ATP8B3: variants seen among roughly 807,000 people sequenced by gnomAD.
The protein encoded by ATP8B3 is ATPase phospholipid transporting 8B3, also known as phospholipid-transporting ATPase IK.
Under a neutral mutation model 140.9 loss-of-function variants are expected in ATP8B3, and 141 were observed. That is an observed-to-expected ratio of 1.00 (90% CI 0.87 to 1.15). The LOEUF (loss-of-function observed/expected upper bound fraction) is 1.15, where lower values mean the gene tolerates loss of function less well. Among genes scored for constraint, ATP8B3 ranks in the 50% most tolerant of loss-of-function variants. The probability of loss-of-function intolerance (pLI) is 0.00; values close to 1 mark genes in which losing one functional copy is unlikely to be tolerated. For synonymous variants in ATP8B3, 765 were observed against 714.6 expected, an observed-to-expected ratio of 1.07 and a Z score of -1.13; for missense variants, 1,874 against 1,740.6, an observed-to-expected ratio of 1.08 and a Z score of -1.36.
At chr19:1,802,360 T>C in intron 11 of ATP8B3, 127 bp downstream of exon 11, 1 of 660,558 alleles carries the variant, frequency 1.5e-6, no homozygotes, top group Non-Finnish European at 2.2e-6. Context: ...CATCTATTTG[T>C]CTATCCATCC....
At chr19:1,792,993 C>G (rs1341705528) in intron 18 of ATP8B3, among the ~76,000 whole-genome samples, 1 of 151,964 alleles carries the variant, frequency 6.6e-6, no homozygotes, top group African/African-American at 2.4e-5. Context: ...CTCCCACCCC[C>G]AGACCCTCAG....
Position 1,792,003 on chromosome 19 carries a change from G to C in ATP8B3, c.2188C>G (p.Gln730Glu), listed in dbSNP as rs2145182100. 1 of 1,555,702 alleles carries C rather than the reference G, an allele frequency of 6.4e-7. No homozygotes were observed. Among genetic ancestry groups the C allele is most frequent in the East Asian group, 2.4e-5 (1 of 41,294 alleles). Residue 730 changes from glutamine (Q) to glutamate (E), a missense_variant and splice_region_variant, in exon 19 of 29, where the codon CAG (glutamine) becomes GAG (glutamate). Gln to Glu is a conservative substitution (Grantham distance 29, BLOSUM62 2). Transcript: ENST00000310127. The part of the protein sequence containing the change: ...LLQNRAQALQ[Q>E]LLGATAIEDR... ...TCCTGCTCCATCTCGTTGTACACCT[G>C]TTGCAGGGCCTGTGCCCGGTTCTGC...
In ATP8B3 at chr19:1,794,345, C is replaced by A. The variant is rs553914274; in HGVS notation, c.2055+1530G>T. Reference sequence around the variant, plus strand: ...CCTGGGGTGGCTGAGCTAAGCTGACCTGCTGAGCTCCTGGGCTCTAGGTCA... The same window carrying A: ...CCTGGGGTGGCTGAGCTAAGCTGACATGCTGAGCTCCTGGGCTCTAGGTCA... On this transcript the variant is annotated intron_variant, in intron 18 of 28. Transcript: ENST00000310127. This position sits in a 1 kb window ranked among gnomAD's most constrained non-coding sequence, Gnocchi z 4.8. Among the ~76,000 whole-genome samples the A allele has an allele frequency of 3.9e-5, 6 of 152,294 alleles. No individual in the cohort carries two copies. In the East Asian group the frequency reaches 7.7e-4, roughly 20 times the overall value.
chr19:1,783,725 G>A (rs1015632270), intron 28 of ATP8B3, among the ~76,000 whole-genome samples: 8 of 152,232 alleles, frequency 5.3e-5, no homozygotes, highest in African/African-American at 1.9e-4. Flanking sequence ...CAGGAGCTGG[G>A]CAGGGAGAAC....
Position 1,782,694 on chromosome 19 carries a change from A to G in ATP8B3, c.*334T>C, listed in dbSNP as rs2068193297. Reference sequence around the variant, plus strand: ...GGCTGTGGCTGGCTCTCAAATGACGACAGCTGGCTTTCTCTGTGCAACAGT... The same window carrying G: ...GGCTGTGGCTGGCTCTCAAATGACGGCAGCTGGCTTTCTCTGTGCAACAGT... On this transcript the variant is annotated 3_prime_UTR_variant, in exon 29 of 29. Coordinates refer to ENST00000310127, the MANE Select transcript of ATP8B3 (RefSeq NM_138813.4). The G allele has an allele frequency of 2.3e-5, 7 of 309,328 alleles. No individual in the cohort carries two copies. In the South Asian group the frequency reaches 3.1e-4, roughly 14 times the overall value. 19.2% of individuals were successfully genotyped at this position (309,328 alleles called of 1,614,324 possible). A position where few individuals can be genotyped will look rare whatever the true frequency, so the allele number is the denominator to read the frequency against.
Position 1,796,652 on chromosome 19 carries a change from G to T in ATP8B3, c.1753+59C>A, listed in dbSNP as rs1417831290. 3.2e-6 allele frequency: 5 copies of T among 1,563,390 alleles called. No homozygotes were observed. The African/African-American group carries it at 6.8e-5, about 21-fold the overall frequency. On this transcript the variant is annotated intron_variant, in intron 16 of 28. Coordinates refer to ENST00000310127, the MANE Select transcript of ATP8B3 (RefSeq NM_138813.4). ...GGGCCGGGTGAGCTGCGGGGCTGGG[G>T]ACACTGCCGTGCCCCGGGGGCTGAG...
chr19:1,785,283 G>A lies in ATP8B3; in HGVS notation c.3408C>T (p.Ile1136=). 1 of 1,601,714 alleles carries A rather than the reference G, an allele frequency of 6.2e-7. No individual in the cohort carries two copies. The highest frequency in any genetic ancestry group is 8.5e-7 in the Non-Finnish European group (1 of 1,174,066). The change falls in exon 27 of 29, where the codon ATC becomes ATT. Residue 1136 remains isoleucine, a synonymous_variant. Coordinates refer to ENST00000310127, the MANE Select transcript of ATP8B3 (RefSeq NM_138813.4). ...CCACGCACAGGGCGGTCCAGTACTT[G>A]ATGATAAGAATGACCTGGACAGGCA... is the stretch of plus-strand genomic sequence containing the variant. ...LSITMEVILI[I]KYWTALCVAT... is the part of the protein sequence containing the mutation.
chr19:1,797,040 A>G (rs1201467351), intron 14 of ATP8B3, 35 bp from the exon 15 acceptor site: 1 of 1,612,694 alleles, frequency 6.2e-7, no homozygotes, highest in Non-Finnish European at 8.5e-7. Context: ...TTCAGCTCCC[A>G]CAGGCCCCCC....
chr19:1,800,542 G>T lies in ATP8B3; in HGVS notation c.1153-93C>A. On this transcript the variant is annotated intron_variant, in intron 12 of 28. Coordinates refer to ENST00000310127, the MANE Select transcript of ATP8B3 (RefSeq NM_138813.4). The surrounding 1 kb of genome is among the most constrained non-coding windows in gnomAD (Gnocchi z 4.4). ...TAAACACAAAGATAAGGCTGGGGCT[G>T]GGCACAGTGGCTCATGCCTGTAATC... is the stretch of plus-strand genomic sequence containing the variant. 8.6e-7 allele frequency: 1 copy of T among 1,161,732 alleles called. No homozygotes were observed. Among genetic ancestry groups the T allele is most frequent in the Non-Finnish European group, 1.2e-6 (1 of 813,928 alleles). The allele number at this position is 1,161,732 out of a possible 1,614,324, so 72.0% of individuals were successfully genotyped here.
chr19:1,803,969 G>T (rs1175654492), intron 10 of ATP8B3, among the ~76,000 whole-genome samples: 1 of 151,750 alleles, frequency 6.6e-6, no homozygotes, highest in African/African-American at 2.4e-5. Context: ...GAGAGGATGG[G>T]TGTGGCCCCC....
At chr19:1,802,779 C>T (rs1458127971) in intron 10 of ATP8B3, 134 bp from the exon 11 acceptor site, 36 of 1,092,196 alleles carry the variant, frequency 3.3e-5, no homozygotes, top group Non-Finnish European at 4.5e-5. Context: ...CCTATGGTGC[C>T]CCAGCACTGG....
At chr19:1,804,032 C>T (rs935643074) in intron 10 of ATP8B3, among the ~76,000 whole-genome samples, 1 of 152,032 alleles carries the variant, frequency 6.6e-6, no homozygotes, top group Non-Finnish European at 1.5e-5. Flanking sequence ...GGGAAAACCT[C>T]TTTGGGTGTC....
At chr19:1,808,750 C>T (rs528008060) in intron 4 of ATP8B3, among the ~76,000 whole-genome samples, 1 of 152,362 alleles carries the variant, frequency 6.6e-6, no homozygotes, top group South Asian at 2.1e-4. Flanking sequence ...CCGCGATGGA[C>T]ACATTGTACT....
Position 1,786,638 on chromosome 19 carries a change from G to A in ATP8B3, c.3153+465C>T, listed in dbSNP as rs952000271. 4.0e-5 allele frequency among the ~76,000 whole-genome samples: 6 copies of A among 151,814 alleles called. No individual in the cohort carries two copies. In the South Asian group the frequency reaches 6.2e-4, roughly 16 times the overall value. On this transcript the variant is annotated intron_variant, in intron 25 of 28. Transcript: ENST00000310127. ...ATCCAGTCCCTGGGTCACACCAGCC[G>A]CAACACAAGCGTTCCTCATGGGCAC...
chr19:1,789,835 C>A (rs1331026224), intron 22 of ATP8B3, 55 bp downstream of exon 22: 1 of 1,600,874 alleles, frequency 6.2e-7, no homozygotes, highest in Admixed American at 1.7e-5. Context: ...CCCGCCGCCC[C>A]TCCAGGCCCC....
At chr19:1,804,279 A>G (rs2068942454) in intron 10 of ATP8B3, among the ~76,000 whole-genome samples, 1 of 152,038 alleles carries the variant, frequency 6.6e-6, no homozygotes, top group Admixed American at 6.6e-5. Flanking sequence ...GGATCACCTG[A>G]GGTGAGGAGT....
chr19:1,799,956 G>C lies in ATP8B3; in HGVS notation c.1543C>G (p.Arg515Gly). Residue 515 changes from arginine to glycine, a missense_variant, in exon 14 of 29, where the codon CGC becomes GGC. Arg to Gly is a moderately radical substitution (Grantham distance 125). Transcript: ENST00000310127. ...GGTGTCGGGGCCGCACCATAGACGC[G>C]GCCGCTGATGCAGCACTTGTTGAAG... ...LTFNKCCISG[R>G]VYGPDSEATT... The C allele has an allele frequency of 1.3e-6, 2 of 1,596,536 alleles. No homozygotes were observed. The highest frequency in any genetic ancestry group is 1.1e-5 in the South Asian group (1 of 88,202).
chr19:1,810,315 T>TAGCACAATCGCAGC (rs1600489916), intron 3 of ATP8B3, among the ~76,000 whole-genome samples: 2 of 152,316 alleles, frequency 1.3e-5, no homozygotes, highest in East Asian at 3.9e-4. Flanking sequence ...TGGAGTGCAG[T>TAGCACAATCGCAGC]AGCACAATCG....
intron 10 of ATP8B3, among the ~76,000 whole-genome samples, chr19:1,804,356 T>C (rs1427717096): frequency 6.6e-6 from 1 of 152,122 alleles, no homozygotes; most frequent in African/African-American, 2.4e-5. Flanking sequence ...ATGCCTGTAA[T>C]CCCAACACTT....
Sources: allele counts gnomAD v4.1 joint callset (sites outside exome capture counted in the v4.1 genomes callset), GRCh38; gene constraint gnomAD v4.1.1; non-coding constraint Gnocchi (gnomAD v3.1); transcripts MANE v1.5; gene names NCBI Gene and HGNC (gene_info 2026-07-23, HGNC 2026-07-21).